GRM5: variants seen among roughly 807,000 people sequenced by gnomAD.
GRM5 encodes metabotropic glutamate receptor 5.
GRM5 carries 19 observed loss-of-function variants against 83.1 expected under a neutral mutation model. That is an observed-to-expected ratio of 0.23 (90% CI 0.16 to 0.34). GRM5 has a LOEUF of 0.34. GRM5 is among the 10% of genes least tolerant of loss of function. The probability of loss-of-function intolerance (pLI) is 1.00; values close to 1 mark genes in which losing one functional copy is unlikely to be tolerated. For missense variants in GRM5, 1,160 were observed against 1,588.3 expected, an observed-to-expected ratio of 0.73 and a Z score of 4.58; for synonymous variants, 675 against 633.6, an observed-to-expected ratio of 1.07 and a Z score of -0.98.
At chr11:88,732,273 G>A (rs1941823240) in intron 3 of GRM5, among the ~76,000 whole-genome samples, 1 of 152,030 alleles carries the variant, frequency 6.6e-6, no homozygotes, top group African/African-American at 2.4e-5. Flanking sequence ...CTAGCCCATG[G>A]ACATATCAAT....
At chr11:88,941,379 G>A (rs1938084237) in intron 2 of GRM5, among the ~76,000 whole-genome samples, 1 of 138,116 alleles carries the variant, frequency 7.2e-6, no homozygotes, top group Admixed American at 7.6e-5. Flanking sequence ...ACATAATAAT[G>A]AGAGAGAGAA....
chr11:88,626,058 C>T (rs967263384), intron 4 of GRM5, among the ~76,000 whole-genome samples: 13 of 152,092 alleles, frequency 8.5e-5, no homozygotes, highest in African/African-American at 2.9e-4. Flanking sequence ...ACTAAACTTT[C>T]ACAGACATAC....
chr11:88,776,637 G>A (rs998023036), intron 3 of GRM5, among the ~76,000 whole-genome samples: 2 of 152,138 alleles, frequency 1.3e-5, no homozygotes, highest in East Asian at 3.9e-4. Flanking sequence ...AGGCCTGGTG[G>A]TGACAATATC....
At chr11:88,841,128 T>G (rs1944192674) in intron 3 of GRM5, among the ~76,000 whole-genome samples, 1 of 152,208 alleles carries the variant, frequency 6.6e-6, no homozygotes, top group Non-Finnish European at 1.5e-5. Context: ...CCTTAAATCC[T>G]AGAGCTCACT....
At chr11:88,766,260 G>A (rs1429078727) in intron 3 of GRM5, among the ~76,000 whole-genome samples, 2 of 151,852 alleles carry the variant, frequency 1.3e-5, no homozygotes, top group Non-Finnish European at 2.9e-5. Flanking sequence ...GCAATCCTCA[G>A]CAAGAAGTAC....
intron 5 of GRM5, among the ~76,000 whole-genome samples, chr11:88,600,613 A>G (rs1454232518): frequency 6.6e-6 from 1 of 152,206 alleles, no homozygotes; most frequent in Non-Finnish European, 1.5e-5. Context: ...TAAAGCATTT[A>G]AGGTAAACTA....
At chr11:88,994,097 A>G (rs1463872522) in intron 2 of GRM5, among the ~76,000 whole-genome samples, 1 of 152,106 alleles carries the variant, frequency 6.6e-6, no homozygotes, top group African/African-American at 2.4e-5. Flanking sequence ...CCCCCCCAAA[A>G]AAAATAAGAA....
At chr11:88,644,259 T>A (rs890303894) in intron 4 of GRM5, among the ~76,000 whole-genome samples, 1 of 152,174 alleles carries the variant, frequency 6.6e-6, no homozygotes, top group African/African-American at 2.4e-5. Context: ...AGGCAAAGTA[T>A]CTACAGTGAC....
rs576110123 is a variant in GRM5 at position 89,043,566 on chromosome 11, G to T, written c.661+3646C>A. Among the ~76,000 whole-genome samples, 5 of 145,154 alleles carry T rather than the reference G, an allele frequency of 3.4e-5. No homozygotes were observed. In the South Asian group the frequency reaches 8.6e-4, roughly 25 times the overall value. ...ATATTCGAATTTCAAGAATATTAAT[G>T]CATGTTATTTTTTTTTTTTTGCTTT... On this transcript the variant is annotated intron_variant, in intron 2 of 9. Coordinates refer to ENST00000305447, the MANE Select transcript of GRM5 (RefSeq NM_001143831.3).
At chr11:88,553,331 C>T (rs10128668) in intron 8 of GRM5, among the ~76,000 whole-genome samples, 6,982 of 152,196 alleles carry the variant, frequency 0.046, 505 homozygotes, top group African/African-American at 0.15. Flanking sequence ...AGCAATAAGC[C>T]GTACACTCAG....
intron 3 of GRM5, among the ~76,000 whole-genome samples, chr11:88,789,728 C>A (rs927801374): frequency 7.2e-5 from 11 of 152,136 alleles, no homozygotes; most frequent in Non-Finnish European, 1.3e-4. Context: ...ATGAAGTTAA[C>A]CAGTCCAAAT....
intron 2 of GRM5, among the ~76,000 whole-genome samples, chr11:88,917,322 G>C (rs1296841246): frequency 6.6e-6 from 1 of 152,136 alleles, no homozygotes; most frequent in Non-Finnish European, 1.5e-5. Context: ...CAAAGATTTA[G>C]AACAACATTC....
intron 5 of GRM5, among the ~76,000 whole-genome samples, chr11:88,598,631 G>T (rs1457304085): frequency 1.3e-5 from 2 of 152,076 alleles, no homozygotes; most frequent in East Asian, 3.8e-4. Context: ...CATGCAATGA[G>T]TTGAGATATT....
intron 3 of GRM5, among the ~76,000 whole-genome samples, chr11:88,671,720 A>G (rs112109102): frequency 3.3e-5 from 5 of 152,220 alleles, no homozygotes; most frequent in African/African-American, 1.2e-4. Flanking sequence ...GAAGAAGGCA[A>G]TAACCCAGAA....
chr11:88,515,947 G>C (rs1442692062), intron 9 of GRM5, among the ~76,000 whole-genome samples: 1 of 152,188 alleles, frequency 6.6e-6, no homozygotes, highest in Non-Finnish European at 1.5e-5. Context: ...CATTTTAATA[G>C]AACTTTTCAG....
intron 3 of GRM5, among the ~76,000 whole-genome samples, chr11:88,802,625 A>C (rs1466034958): frequency 1.3e-5 from 2 of 152,190 alleles, no homozygotes; most frequent in African/African-American, 4.8e-5. Context: ...AAACTGGCAC[A>C]AGACAAGGAT....
intron 4 of GRM5, among the ~76,000 whole-genome samples, chr11:88,646,943 A>G (rs920621712): frequency 1.2e-4 from 18 of 151,810 alleles, no homozygotes; most frequent in Non-Finnish European, 2.4e-4. Flanking sequence ...GTAGAAATTT[A>G]TTTTCTCCCA....
At chr11:88,602,565 A>G (rs1938029428) in intron 5 of GRM5, among the ~76,000 whole-genome samples, 1 of 152,188 alleles carries the variant, frequency 6.6e-6, no homozygotes, top group African/African-American at 2.4e-5. Context: ...ATCTGGCAGA[A>G]TGCTTTTGCT....
chr11:88,726,231 T>G (rs1941677224), intron 3 of GRM5, among the ~76,000 whole-genome samples: 1 of 151,936 alleles, frequency 6.6e-6, no homozygotes, highest in Admixed American at 6.6e-5. Context: ...CACAAGAACT[T>G]CATGAAGCAT....
Sources: allele counts gnomAD v4.1 joint callset (sites outside exome capture counted in the v4.1 genomes callset), GRCh38; gene constraint gnomAD v4.1.1; transcripts MANE v1.5; gene names NCBI Gene and HGNC (gene_info 2026-07-23, HGNC 2026-07-21).